The following KLF12 variants were observed in gnomAD, a reference collection of about 807,000 sequenced individuals.
KLF12 encodes the protein KLF transcription factor 12.
A neutral mutation model predicts 37.8 loss-of-function variants in KLF12; 9 were observed. That is an observed-to-expected ratio of 0.24 (90% CI 0.14 to 0.42). The LOEUF is 0.42. Ranked by LOEUF, KLF12 falls within the 10% of genes least tolerant of loss-of-function variation. The probability of loss-of-function intolerance (pLI) is 1.00; values close to 1 mark genes in which losing one functional copy is unlikely to be tolerated. For missense variants in KLF12, 411 were observed against 516.0 expected (o/e 0.80, Z 1.97); for synonymous variants, 208 against 202.1 (o/e 1.03, Z -0.25).
chr13:74,178,426 A>T, the KLF12 span, among the ~76,000 whole-genome samples: 52 of 152,388 alleles, frequency 3.4e-4, no homozygotes, highest in Non-Finnish European at 5.6e-4. Flanking sequence ...GTCAGAACAA[A>T]TATAAGCAGG....
At chr13:73,701,416 T>C (rs1456465920) in intron 7 of KLF12, among the ~76,000 whole-genome samples, 2 of 152,236 alleles carry the variant, frequency 1.3e-5, no homozygotes, top group African/African-American at 2.4e-5. Context: ...AAAGACAGCC[T>C]ACCTACCTTC....
chr13:74,198,425 C>T, the KLF12 span, among the ~76,000 whole-genome samples: 2 of 152,258 alleles, frequency 1.3e-5, no homozygotes, highest in South Asian at 2.1e-4. Context: ...CAATGTGGCA[C>T]CTTGTAGACC....
intron 3 of KLF12, among the ~76,000 whole-genome samples, chr13:73,934,149 T>C (rs373116754): frequency 1.6e-4 from 24 of 151,122 alleles, no homozygotes; most frequent in African/African-American, 5.4e-4. Flanking sequence ...AATTGAGGGG[T>C]TTTTTTTTGC....
At chr13:73,711,710 TC>T (rs1875410985) in intron 7 of KLF12, among the ~76,000 whole-genome samples, 1 of 152,220 alleles carries the variant, frequency 6.6e-6, no homozygotes, top group South Asian at 2.1e-4. Context: ...TGGATGTTTT[TC>T]TGCCTGCTAA....
chr13:74,253,025 GTCTGTCTA>G, the KLF12 span, among the ~76,000 whole-genome samples: 4 of 80,244 alleles, frequency 5.0e-5, no homozygotes, highest in African/African-American at 4.2e-4. Flanking sequence ...CTATCTATCT[GTCTGTCTA>G]TCTACCTATC....
At chr13:73,969,356 A>C (rs1593792945) in intron 2 of KLF12, among the ~76,000 whole-genome samples, 1 of 152,200 alleles carries the variant, frequency 6.6e-6, no homozygotes, top group East Asian at 1.9e-4. Context: ...CATTTATCCC[A>C]CATCCAAAAG....
intron 5 of KLF12, among the ~76,000 whole-genome samples, chr13:73,785,286 G>A (rs1881270692): frequency 6.6e-6 from 1 of 151,724 alleles, no homozygotes; most frequent in South Asian, 2.1e-4. Context: ...GCTAATTTTT[G>A]TATTTTTTGT....
At chr13:73,828,074 T>G (rs75215866) in intron 4 of KLF12, among the ~76,000 whole-genome samples, 1 of 151,172 alleles carries the variant, frequency 6.6e-6, no homozygotes, top group African/African-American at 2.4e-5. Context: ...CTGAATTTTG[T>G]TTTTTTTTAA....
chr13:73,841,964 A>G (rs1211902239), intron 4 of KLF12, among the ~76,000 whole-genome samples: 1 of 152,096 alleles, frequency 6.6e-6, no homozygotes, highest in African/African-American at 2.4e-5. Flanking sequence ...CATATCACAT[A>G]TTATATCCAA....
chr13:73,834,565 C>T (rs1385145037), intron 4 of KLF12, among the ~76,000 whole-genome samples: 1 of 152,214 alleles, frequency 6.6e-6, no homozygotes, highest in African/African-American at 2.4e-5. Context: ...CGCCAGGGTG[C>T]AGTGGTATGA....
At chr13:73,897,803 C>T (rs1887855054) in intron 3 of KLF12, among the ~76,000 whole-genome samples, 1 of 152,204 alleles carries the variant, frequency 6.6e-6, no homozygotes. Context: ...AAATACAAAT[C>T]TAATGATGCA....
chr13:73,793,690 T>C (rs937126883), intron 5 of KLF12, among the ~76,000 whole-genome samples: 1 of 152,262 alleles, frequency 6.6e-6, no homozygotes, highest in African/African-American at 2.4e-5. Flanking sequence ...AAATCTTCTT[T>C]AATAGTTTGA....
chr13:74,241,725 C>G, the KLF12 span, among the ~76,000 whole-genome samples: 5 of 150,704 alleles, frequency 3.3e-5, no homozygotes, highest in African/African-American at 1.2e-4. Context: ...AGGTGCCGTC[C>G]GTCACCCCTT....
the KLF12 span, among the ~76,000 whole-genome samples, chr13:74,182,645 A>C: frequency 6.6e-6 from 1 of 152,210 alleles, no homozygotes; most frequent in East Asian, 1.9e-4. Context: ...AAAGAAGAGC[A>C]ATCCTATTTT....
intron 1 of KLF12, among the ~76,000 whole-genome samples, chr13:74,074,708 TTGTACAGATTA>T (rs1412288450): frequency 2.0e-5 from 3 of 152,178 alleles, no homozygotes; most frequent in East Asian, 1.9e-4. Context: ...TGGGGGTTTG[TTGTACAGATTA>T]TGTACAGATT....
intron 1 of KLF12, among the ~76,000 whole-genome samples, chr13:74,023,754 CA>C (rs892113701): frequency 1.6e-4 from 24 of 152,042 alleles, no homozygotes; most frequent in African/African-American, 5.1e-4. Context: ...TCTGAGGTCC[CA>C]AAAAGGACAT....
the KLF12 span, among the ~76,000 whole-genome samples, chr13:74,177,140 A>G: frequency 6.6e-6 from 1 of 152,202 alleles, no homozygotes. Flanking sequence ...ATACATTTTT[A>G]GTAACTTTTC....
At chr13:73,740,564 C>T (rs1416025813) in intron 6 of KLF12, among the ~76,000 whole-genome samples, 5 of 152,050 alleles carry the variant, frequency 3.3e-5, no homozygotes, top group South Asian at 2.1e-4. Context: ...TGGTCTTGAA[C>T]CCCTAGCCTC....
intron 7 of KLF12, among the ~76,000 whole-genome samples, chr13:73,700,949 CTAAT>C (rs979301671): frequency 1.8e-4 from 28 of 152,050 alleles, no homozygotes; most frequent in African/African-American, 6.8e-4. Context: ...AGTAAAAAAA[CTAAT>C]TAGAAAGATA....
Sources: allele counts gnomAD v4.1 joint callset (sites outside exome capture counted in the v4.1 genomes callset), GRCh38; gene constraint gnomAD v4.1.1; transcripts MANE v1.5; gene names NCBI Gene and HGNC (gene_info 2026-07-23, HGNC 2026-07-21).